SCAMP1: variants seen among roughly 807,000 people sequenced by gnomAD.
The protein encoded by SCAMP1 is secretory carrier membrane protein 1.
A neutral mutation model predicts 41.8 loss-of-function variants in SCAMP1; 15 were observed. That is an observed-to-expected ratio of 0.36 (90% CI 0.24 to 0.55). The LOEUF is 0.55. Ranked by LOEUF, SCAMP1 falls within the 20% of genes least tolerant of loss-of-function variation. The probability of loss-of-function intolerance (pLI) is 0.86; values close to 1 mark genes in which losing one functional copy is unlikely to be tolerated. For missense variants in SCAMP1, 341 were observed against 412.6 expected, an observed-to-expected ratio of 0.83 and a Z score of 1.50; for synonymous variants, 135 against 136.8, an observed-to-expected ratio of 0.99 and a Z score of 0.09.
At position 78,360,621 on chromosome 5, in the gene SCAMP1, C is replaced by T; in HGVS notation, c.-51C>T. On this transcript the variant is annotated 5_prime_UTR_variant, in exon 1 of 9. Coordinates refer to ENST00000621999, the MANE Select transcript of SCAMP1 (RefSeq NM_004866.6). ...GCGCAGGGGGGCGGCGGCCTCGCCTCGTCTCTCTCTCTGCGCCTGGGTCGG... is the reference window on the plus strand; with the variant it reads ...GCGCAGGGGGGCGGCGGCCTCGCCTTGTCTCTCTCTCTGCGCCTGGGTCGG... 7.1e-6 allele frequency: 11 copies of T among 1,557,068 alleles called. No individual in the cohort carries two copies. The East Asian group carries it at 7.2e-5, about 10-fold the overall frequency.
In SCAMP1 at chr5:78,362,097, T is replaced by C. The variant is rs529541126; in HGVS notation, c.57+1369T>C. ...TTGCATTTTAAGACTTTTTTTTTTT[T>C]CCTGGCAGTTTTGTTTCAATTAGTA... On this transcript the variant is annotated intron_variant, in intron 1 of 8. Coordinates refer to ENST00000621999, the MANE Select transcript of SCAMP1 (RefSeq NM_004866.6). Among the ~76,000 whole-genome samples the C allele has an allele frequency of 3.3e-3, 510 of 152,312 alleles. 3 individuals carry two copies. The highest frequency in any genetic ancestry group is 0.014 in the Middle Eastern group (4 of 294).
chr5:78,438,877 G>A (rs1205683870), intron 6 of SCAMP1, among the ~76,000 whole-genome samples: 4 of 152,164 alleles, frequency 2.6e-5, no homozygotes, highest in African/African-American at 9.7e-5. Context: ...CTAAGGACTT[G>A]CTTTATGAAT....
At chr5:78,445,831 G>C (rs967781409) in intron 6 of SCAMP1, among the ~76,000 whole-genome samples, 1 of 152,166 alleles carries the variant, frequency 6.6e-6, no homozygotes, top group African/African-American at 2.4e-5. Flanking sequence ...GCAGTAATTT[G>C]GACAGCTCAG....
At chr5:78,437,795 G>A (rs1752798865) in intron 6 of SCAMP1, among the ~76,000 whole-genome samples, 1 of 152,200 alleles carries the variant, frequency 6.6e-6, no homozygotes, top group Non-Finnish European at 1.5e-5. Flanking sequence ...AATGGTACCA[G>A]CTCCTCTTTG....
At chr5:78,406,144 T>C (rs567180781) in intron 2 of SCAMP1, among the ~76,000 whole-genome samples, 3 of 152,090 alleles carry the variant, frequency 2.0e-5, no homozygotes, top group South Asian at 4.1e-4. Context: ...TAGAGGGGAG[T>C]TCTCAAATTT....
intron 1 of SCAMP1, among the ~76,000 whole-genome samples, chr5:78,369,273 CT>C (rs2112045072): frequency 1.3e-5 from 2 of 152,070 alleles, no homozygotes; most frequent in East Asian, 3.9e-4. Flanking sequence ...CACCTGGTTA[CT>C]TTTTGTATTT....
chr5:78,440,187 G>A (rs561159636), intron 6 of SCAMP1, among the ~76,000 whole-genome samples: 3 of 152,052 alleles, frequency 2.0e-5, no homozygotes, highest in East Asian at 1.9e-4. Flanking sequence ...ATTACGGATC[G>A]TCTGAAGCCT....
chr5:78,387,362 C>CTTTTTTT (rs141037666), intron 1 of SCAMP1, among the ~76,000 whole-genome samples: 2 of 135,542 alleles, frequency 1.5e-5, no homozygotes, highest in Non-Finnish European at 1.6e-5. Context: ...TATCCTGTAT[C>CTTTTTTT]TTTTTTTTTT....
intron 6 of SCAMP1, among the ~76,000 whole-genome samples, chr5:78,438,150 T>G (rs1752813205): frequency 6.6e-6 from 1 of 152,190 alleles, no homozygotes; most frequent in Non-Finnish European, 1.5e-5. Flanking sequence ...TTTGTAGATC[T>G]TTTCAAAAAA....
intron 2 of SCAMP1, among the ~76,000 whole-genome samples, chr5:78,409,154 C>T (rs1464168681): frequency 6.6e-6 from 1 of 152,118 alleles, no homozygotes; most frequent in African/African-American, 2.4e-5. Flanking sequence ...GCAGATGGAT[C>T]ACTAGTAATT....
chr5:78,393,661 AT>A (rs1282242142), intron 2 of SCAMP1, among the ~76,000 whole-genome samples: 3 of 152,010 alleles, frequency 2.0e-5, no homozygotes, highest in African/African-American at 7.3e-5. Flanking sequence ...TTATGAAATA[AT>A]TTTTTTTGTT....
At chr5:78,436,768 C>A (rs751004288) in intron 6 of SCAMP1, among the ~76,000 whole-genome samples, 29 of 152,036 alleles carry the variant, frequency 1.9e-4, no homozygotes, top group African/African-American at 6.8e-4. Context: ...AAGAAAGTCA[C>A]TGGTAGCTTG....
chr5:78,417,431 C>T (rs143839987), intron 4 of SCAMP1, among the ~76,000 whole-genome samples: 138 of 152,282 alleles, frequency 9.1e-4, no homozygotes, highest in African/African-American at 3.1e-3. Flanking sequence ...TGAACTGGGA[C>T]CAATGTTTCT....
intron 6 of SCAMP1, among the ~76,000 whole-genome samples, chr5:78,428,407 G>A (rs1752518881): frequency 6.6e-6 from 1 of 152,056 alleles, no homozygotes; most frequent in Non-Finnish European, 1.5e-5. Flanking sequence ...GAATTGTTTG[G>A]ACACTTTTCT....
At chr5:78,442,919 G>GC (rs1752962217) in intron 6 of SCAMP1, among the ~76,000 whole-genome samples, 1 of 152,056 alleles carries the variant, frequency 6.6e-6, no homozygotes. Flanking sequence ...AAGAATTTTA[G>GC]CTTAAGGCTG....
chr5:78,467,208 G>A lies in SCAMP1; in HGVS notation c.852+7846G>A, dbSNP rs546010887. On this transcript the variant is annotated intron_variant, in intron 8 of 8. Coordinates refer to ENST00000621999, the MANE Select transcript of SCAMP1 (RefSeq NM_004866.6). ...TTGAAGTAAATGAAGCCTAGAAAGTGTATGGAGTCAGAAGAGGGCTTTGGG... is the reference window on the plus strand; with the variant it reads ...TTGAAGTAAATGAAGCCTAGAAAGTATATGGAGTCAGAAGAGGGCTTTGGG... Among the ~76,000 whole-genome samples, 13 of 152,286 alleles carry A rather than the reference G, an allele frequency of 8.5e-5. No homozygotes were observed. The East Asian group carries it at 2.5e-3, about 29-fold the overall frequency.
At chr5:78,373,931 G>A (rs570512119) in intron 1 of SCAMP1, among the ~76,000 whole-genome samples, 39 of 152,172 alleles carry the variant, frequency 2.6e-4, no homozygotes, top group African/African-American at 6.3e-4. Context: ...AGTTTAATAG[G>A]TCTTTATGGT....
chr5:78,463,142 T>C (rs1004313669), intron 8 of SCAMP1, among the ~76,000 whole-genome samples: 5 of 151,616 alleles, frequency 3.3e-5, no homozygotes, highest in Admixed American at 2.6e-4. Context: ...TAACTTCTCT[T>C]CTGCACCAAA....
intron 8 of SCAMP1, among the ~76,000 whole-genome samples, chr5:78,472,805 C>A (rs901643101): frequency 1.3e-5 from 2 of 151,930 alleles, no homozygotes. Flanking sequence ...ATCAGCTGCT[C>A]AATTTAGTGC....
Sources: allele counts gnomAD v4.1 joint callset (sites outside exome capture counted in the v4.1 genomes callset), GRCh38; gene constraint gnomAD v4.1.1; transcripts MANE v1.5; gene names NCBI Gene and HGNC (gene_info 2026-07-23, HGNC 2026-07-21).